ZMIZ1: variants seen among roughly 807,000 people sequenced by gnomAD.
ZMIZ1 encodes zinc finger MIZ-type containing 1.
Under a neutral mutation model 113.9 loss-of-function variants are expected in ZMIZ1, and 17 were observed. The ratio of observed to expected loss-of-function variants is 0.15; its 90% CI spans 0.10 to 0.22. The LOEUF is 0.22. Among genes scored for constraint, ZMIZ1 ranks in the 10% least tolerant of loss-of-function variants. The pLI, the probability that ZMIZ1 is intolerant of heterozygous loss-of-function variation, is 1.00. For missense variants in ZMIZ1, 1,059 were observed against 1,477.8 expected, an observed-to-expected ratio of 0.72 and a Z score of 4.65; for synonymous variants, 607 against 603.1, an observed-to-expected ratio of 1.01 and a Z score of -0.09.
At chr10:79,163,387 A>G (rs1015569438) in intron 4 of ZMIZ1, among the ~76,000 whole-genome samples, 7 of 152,270 alleles carry the variant, frequency 4.6e-5, no homozygotes, top group African/African-American at 1.7e-4. Flanking sequence ...TGTGAGAGCC[A>G]GCTTTCTCAT....
At chr10:79,163,200 C>T (rs4980040) in intron 4 of ZMIZ1, among the ~76,000 whole-genome samples, 60,574 of 152,232 alleles carry the variant, frequency 0.4, 12,371 homozygotes, top group African/African-American at 0.48. Context: ...CTAACATCCC[C>T]TGCTGCCCTC....
chr10:79,177,336 C>G (rs1388561349), intron 4 of ZMIZ1, among the ~76,000 whole-genome samples: 2 of 152,220 alleles, frequency 1.3e-5, no homozygotes, highest in Admixed American at 1.3e-4. Flanking sequence ...CTGTTCAGGC[C>G]AGGCTCCTCG....
At chr10:79,273,297 T>G (rs977674040) in intron 7 of ZMIZ1, among the ~76,000 whole-genome samples, 5 of 152,154 alleles carry the variant, frequency 3.3e-5, no homozygotes, top group African/African-American at 1.2e-4. Flanking sequence ...TAACCCCCTT[T>G]CTGTGGCTGA....
At chr10:79,242,641 C>T (rs903863123) in intron 7 of ZMIZ1, among the ~76,000 whole-genome samples, 3 of 151,368 alleles carry the variant, frequency 2.0e-5, no homozygotes, top group Non-Finnish European at 4.4e-5. Context: ...AGCATGCCCA[C>T]TTGGGAGGAT....
chr10:79,307,029 G>A, intron 22 of ZMIZ1, among the ~76,000 whole-genome samples: 1 of 152,202 alleles, frequency 6.6e-6, no homozygotes, highest in Non-Finnish European at 1.5e-5. Context: ...GGGCTTGGCA[G>A]AACATGCACC....
intron 17 of ZMIZ1, 30 bp from the exon 18 acceptor site, chr10:79,302,077 A>G (rs1854342241): frequency 6.2e-7 from 1 of 1,608,384 alleles, no homozygotes; most frequent in Non-Finnish European, 8.5e-7. Context: ...GACAGTGCAC[A>G]GGAACTGAGT....
intron 4 of ZMIZ1, among the ~76,000 whole-genome samples, chr10:79,193,982 G>C (rs1205731629): frequency 6.6e-6 from 1 of 152,212 alleles, no homozygotes; most frequent in Non-Finnish European, 1.5e-5. Context: ...TTGTCCCTTT[G>C]GGAGTCTAAG....
At chr10:79,171,391 G>A (rs1269475715) in intron 4 of ZMIZ1, among the ~76,000 whole-genome samples, 3 of 152,354 alleles carry the variant, frequency 2.0e-5, no homozygotes, top group Admixed American at 1.3e-4. Flanking sequence ...TCCTTCCTGG[G>A]CTGGGAGTCC....
chr10:79,277,144 G>A, intron 7 of ZMIZ1, 37 bp from the exon 8 acceptor site: 1 of 1,471,578 alleles, frequency 6.8e-7, no homozygotes, highest in East Asian at 2.7e-5. Context: ...AGAGCATGAT[G>A]AACAAGCACC....
rs769677626 is a variant in ZMIZ1, at chr10:79,293,449, G to T, written c.1026G>T (p.Met342Ile). The change falls in exon 12 of 25, where the codon ATG (methionine) becomes ATT (isoleucine). Residue 342 changes from methionine (M) to isoleucine (I), a missense_variant. This residue lies in a region of ZMIZ1 where 83 missense variants were observed against 103.7 expected (regional missense o/e 0.80). Transcript: ENST00000334512. ...CCGGGCCGCGGGGGCCTGCCTCCAT[G>T]GGGGGCAGCATGAACCCCGCGAGCA... The part of the protein sequence containing the change: ...NQPGPRGPAS[M>I]GGSMNPASMA... 1 of 1,541,316 alleles carries T rather than the reference G, an allele frequency of 6.5e-7. No individual in the cohort carries two copies. The highest frequency in any genetic ancestry group is 1.2e-5 in the South Asian group (1 of 80,402).
At chr10:79,119,423 C>A (rs1844190543) in intron 2 of ZMIZ1, among the ~76,000 whole-genome samples, 1 of 152,228 alleles carries the variant, frequency 6.6e-6, no homozygotes, top group South Asian at 2.1e-4. Flanking sequence ...CTTCTTTCAG[C>A]ATCACAGCAG....
At chr10:79,077,781 C>T (rs1271101209) in intron 1 of ZMIZ1, among the ~76,000 whole-genome samples, 1 of 152,216 alleles carries the variant, frequency 6.6e-6, no homozygotes, top group African/African-American at 2.4e-5. Context: ...TAATAACTAA[C>T]ATACTACCTC....
At chr10:79,284,356 G>A (rs1852925878) in intron 8 of ZMIZ1, among the ~76,000 whole-genome samples, 1 of 152,182 alleles carries the variant, frequency 6.6e-6, no homozygotes, top group Non-Finnish European at 1.5e-5. Context: ...GCTGGGCTTT[G>A]AAGTATGGAT....
chr10:79,116,811 C>T (rs996232060), intron 1 of ZMIZ1, among the ~76,000 whole-genome samples: 1 of 152,210 alleles, frequency 6.6e-6, no homozygotes, highest in Non-Finnish European at 1.5e-5. Context: ...CACTAGAGCC[C>T]CCTGTGCCCT....
At chr10:79,093,054 G>C (rs1000741671) in intron 1 of ZMIZ1, among the ~76,000 whole-genome samples, 2 of 151,536 alleles carry the variant, frequency 1.3e-5, no homozygotes, top group Non-Finnish European at 2.9e-5. Context: ...GAGGTACAGA[G>C]AGTACCCAGC....
intron 7 of ZMIZ1, among the ~76,000 whole-genome samples, chr10:79,246,271 C>T (rs536861900): frequency 1.8e-4 from 28 of 152,358 alleles, no homozygotes; most frequent in Middle Eastern, 3.4e-3. Context: ...CAGGAGCAGC[C>T]TCAGACCTCC....
chr10:79,216,354 C>G, intron 7 of ZMIZ1, 80 bp downstream of exon 7: 1 of 1,282,682 alleles, frequency 7.8e-7, no homozygotes, highest in Non-Finnish European at 1.1e-6. Context: ...TGTTTGCTGC[C>G]CCTGCCTTCT....
chr10:79,284,734 G>C (rs544120721), intron 8 of ZMIZ1, among the ~76,000 whole-genome samples: 1 of 152,336 alleles, frequency 6.6e-6, no homozygotes, highest in East Asian at 1.9e-4. Context: ...TTCAGTGGCA[G>C]AGCCAGGGTT....
intron 3 of ZMIZ1, among the ~76,000 whole-genome samples, chr10:79,155,862 A>C (rs1311794779): frequency 6.6e-6 from 1 of 152,250 alleles, no homozygotes; most frequent in African/African-American, 2.4e-5. Context: ...CTCCTGCCTG[A>C]AAGACTGCCC....
Sources: gnomAD v4.1 joint callset for allele counts (sites outside exome capture counted in the v4.1 genomes callset) on GRCh38, gnomAD v4.1.1 for gene constraint, gnomAD v4.1.1 regional missense constraint, MANE v1.5 for transcripts, NCBI Gene and HGNC (gene_info 2026-07-23, HGNC 2026-07-21) for gene names.